Variants in MARF1 observed in about 807,000 individuals in gnomAD.
The protein encoded by MARF1 is meiosis regulator and mRNA stability factor 1, also known as limkain-b1.
Under a neutral mutation model 168.2 loss-of-function variants are expected in MARF1, and 24 were observed. That is an observed-to-expected ratio of 0.14 (90% CI 0.10 to 0.20). The LOEUF is 0.20. Ranked by LOEUF, MARF1 falls within the 10% of genes least tolerant of loss-of-function variation. The probability of loss-of-function intolerance (pLI) is 1.00; values close to 1 mark genes in which losing one functional copy is unlikely to be tolerated. For synonymous variants in MARF1, 868 were observed against 822.4 expected (o/e 1.06, Z -0.95); for missense variants, 1,744 against 2,143.6 (o/e 0.81, Z 3.68).
At position 15,643,040 on chromosome 16, in the gene MARF1, G is replaced by C. The variant is rs948346755; in HGVS notation, c.-81C>G. 1 of 287,062 alleles carries C rather than the reference G, an allele frequency of 3.5e-6. No homozygotes were observed. The highest frequency in any genetic ancestry group is 2.4e-5 in the African/African-American group (1 of 42,066). The allele number at this position is 287,062 out of a possible 1,614,324, so 17.8% of individuals were successfully genotyped here. A position where few individuals can be genotyped will look rare whatever the true frequency, so the allele number is the denominator to read the frequency against. On this transcript the variant is annotated 5_prime_UTR_variant, in exon 1 of 27. Transcript: ENST00000396368. Reference sequence around the variant, plus strand: ...CACCTCTGCCGCCGGCTCCACCTCCGCTCACATTCCGGCCCCGCCGCCTTC... The same window carrying C: ...CACCTCTGCCGCCGGCTCCACCTCCCCTCACATTCCGGCCCCGCCGCCTTC...
At chr16:15,623,541 A>C (rs185817238) in intron 10 of MARF1, among the ~76,000 whole-genome samples, 11 of 152,234 alleles carry the variant, frequency 7.2e-5, no homozygotes, top group African/African-American at 2.4e-4. Context: ...TCAGCCTCCC[A>C]AAGGGCTGGG....
chr16:15,626,120 G>C (rs1484217227), intron 7 of MARF1, among the ~76,000 whole-genome samples: 1 of 152,090 alleles, frequency 6.6e-6, no homozygotes, highest in African/African-American at 2.4e-5. Flanking sequence ...GTGAGACACT[G>C]TCTCAAAAAA....
chr16:15,629,285 G>A (rs1287546013), intron 7 of MARF1, among the ~76,000 whole-genome samples: 2 of 152,172 alleles, frequency 1.3e-5, no homozygotes, highest in Non-Finnish European at 2.9e-5. Context: ...GGTAAGGCCT[G>A]TATATGCTTA....
At chr16:15,627,390 CG>C in intron 7 of MARF1, among the ~76,000 whole-genome samples, 1 of 152,114 alleles carries the variant, frequency 6.6e-6, no homozygotes, top group East Asian at 1.9e-4. Flanking sequence ...GAGGCCAAAG[CG>C]GGTGATCACC....
Position 15,636,134 on chromosome 16 carries a change from C to CCAT in MARF1, c.352_353insATG (p.Gly117_Gly118insAsp). ...GGTACCTCCGCTACCGCCACCACCA[C>CCAT]CACCAAAACGCATTGGCGAAGTGGA... is the stretch of plus-strand genomic sequence containing the variant. On this transcript the variant is annotated inframe_insertion, in exon 3 of 27. Transcript: ENST00000396368. 6.2e-7 allele frequency: 1 copy of CCAT among 1,614,222 alleles called. No homozygotes were observed. The highest frequency in any genetic ancestry group is 8.5e-7 in the Non-Finnish European group (1 of 1,180,034).
At chr16:15,620,555 G>A (rs781632986) in intron 12 of MARF1, 24 bp from the exon 13 acceptor site, 2 of 1,484,306 alleles carry the variant, frequency 1.3e-6, no homozygotes, top group Non-Finnish European at 1.9e-6. Flanking sequence ...GTTTGATTAG[G>A]GAACAGACCA....
At chr16:15,600,281 T>C (rs2032279373) in intron 25 of MARF1, 147 bp downstream of exon 25, 2 of 1,069,706 alleles carry the variant, frequency 1.9e-6, no homozygotes, top group South Asian at 1.5e-5. Context: ...ACTAACTAAA[T>C]ACCAAAACTG....
At position 15,600,512 on chromosome 16, in the gene MARF1, T is replaced by A. The variant is rs771828788; in HGVS notation, c.4729A>T (p.Asn1577Tyr). ...ATGCGCTCGCCCTCCGAGGGCTGGT[T>A]TTCATGATTGGCAGGGGAGAGACTG... ...SLSLSPANHE[N>Y]QPSEGERILE... The change falls in exon 25 of 27, where the codon AAC becomes TAC. Residue 1577 changes from asparagine (N) to tyrosine (Y), a missense_variant. Asn to Tyr is a moderately radical substitution (Grantham distance 143, BLOSUM62 -2). Around this residue, in one of 7 missense-constraint regions of MARF1, gnomAD observed 313 missense variants for 337.4 expected, o/e 0.93. Coordinates refer to ENST00000396368, the MANE Select transcript of MARF1 (RefSeq NM_014647.4). 1 of 1,614,198 alleles carries A rather than the reference T, an allele frequency of 6.2e-7. No individual in the cohort carries two copies. Among genetic ancestry groups the A allele is most frequent in the African/African-American group, 1.3e-5 (1 of 75,050 alleles).
chr16:15,600,212 AG>A (rs2032271935), intron 25 of MARF1, among the ~76,000 whole-genome samples: 1 of 152,196 alleles, frequency 6.6e-6, no homozygotes, highest in South Asian at 2.1e-4. Context: ...AACATCCTTC[AG>A]GGACTTTAAC....
rs752961345 is a variant in MARF1 at position 15,639,127 on chromosome 16, G to A, written c.107C>T (p.Ser36Phe). 4.3e-6 allele frequency: 7 copies of A among 1,614,146 alleles called. No individual in the cohort carries two copies. The highest frequency in any genetic ancestry group is 5.9e-6 in the Non-Finnish European group (7 of 1,180,032). ...PWLWKFSNCFSRPEQTLPHSP... is the reference protein window; with the variant it reads ...PWLWKFSNCFFRPEQTLPHSP... Reference sequence around the variant, plus strand: ...ATGTGGCAGCGTCTGCTCAGGACGAGAAAAGCAATTAGAGAATTTCCAAAG... The same window carrying A: ...ATGTGGCAGCGTCTGCTCAGGACGAAAAAAGCAATTAGAGAATTTCCAAAG... The change falls in exon 2 of 27, where the codon TCT (serine) becomes TTT (phenylalanine). Residue 36 changes from serine to phenylalanine, a missense_variant. Ser to Phe is a radical substitution (Grantham distance 155, BLOSUM62 -2). Around this residue, in one of 7 missense-constraint regions of MARF1, gnomAD observed 318 missense variants for 336.6 expected, o/e 0.94. Transcript: ENST00000396368.
intron 21 of MARF1, among the ~76,000 whole-genome samples, chr16:15,607,188 G>A (rs1051634082): frequency 6.6e-6 from 1 of 152,086 alleles, no homozygotes; most frequent in African/African-American, 2.4e-5. Context: ...AGTACCTAAG[G>A]AGAGCTCTGA....
chr16:15,632,175 C>T (rs1481967612), intron 5 of MARF1, among the ~76,000 whole-genome samples: 2 of 152,136 alleles, frequency 1.3e-5, no homozygotes, highest in Non-Finnish European at 2.9e-5. Flanking sequence ...TTCTTTCATC[C>T]TCCTTTCAGA....
intron 16 of MARF1, among the ~76,000 whole-genome samples, chr16:15,613,809 T>C (rs2033802894): frequency 6.6e-6 from 1 of 151,970 alleles, no homozygotes; most frequent in African/African-American, 2.4e-5. Flanking sequence ...AAAGGAGGTG[T>C]CCCGTAAGAA....
At chr16:15,602,432 C>T (rs987553175) in intron 22 of MARF1, 21 of 608,732 alleles carry the variant, frequency 3.4e-5, no homozygotes, top group African/African-American at 1.9e-4. Context: ...AAGACAAAGA[C>T]GACGAGACAA....
rs1287244429 is a variant in MARF1 at position 15,643,098 on chromosome 16, C to T, written c.-139G>A. On this transcript the variant is annotated 5_prime_UTR_variant, in exon 1 of 27. Transcript: ENST00000396368. ...CCCCCCCAGGCCCTTTGTTTTGATT[C>T]CCGACTCCGCAGCTCCCGCCGCCGC... 2.4e-5 allele frequency: 6 copies of T among 246,976 alleles called. No individual in the cohort carries two copies. The highest frequency in any genetic ancestry group is 6.5e-5 in the South Asian group (2 of 30,572). The allele number at this position is 246,976 out of a possible 1,614,324, so 15.3% of individuals were successfully genotyped here.
At chr16:15,628,828 A>G (rs1277046411) in intron 7 of MARF1, among the ~76,000 whole-genome samples, 1 of 152,204 alleles carries the variant, frequency 6.6e-6, no homozygotes, top group African/African-American at 2.4e-5. Context: ...CCCAGGCAGT[A>G]CCAATGTATG....
At chr16:15,614,017 A>G (rs2033821792) in intron 16 of MARF1, among the ~76,000 whole-genome samples, 1 of 152,176 alleles carries the variant, frequency 6.6e-6, no homozygotes, top group African/African-American at 2.4e-5. Flanking sequence ...TCTGCAACTC[A>G]GGACATGCCC....
intron 16 of MARF1, among the ~76,000 whole-genome samples, chr16:15,615,155 G>C: frequency 6.6e-6 from 1 of 152,174 alleles, no homozygotes; most frequent in East Asian, 1.9e-4. Context: ...AAAAGGATCT[G>C]TAAATGTGAA....
intron 26 of MARF1, among the ~76,000 whole-genome samples, chr16:15,598,035 C>G (rs1190885987): frequency 6.6e-6 from 1 of 152,202 alleles, no homozygotes; most frequent in African/African-American, 2.4e-5. Context: ...TCCTGGTGAC[C>G]TGGAAAGCAG....
Sources: allele counts gnomAD v4.1 joint callset (sites outside exome capture counted in the v4.1 genomes callset), GRCh38; gene constraint gnomAD v4.1.1; regional missense constraint gnomAD v4.1.1; transcripts MANE v1.5; gene names NCBI Gene and HGNC (gene_info 2026-07-23, HGNC 2026-07-21).